Variants in CACHD1 observed in about 807,000 individuals in gnomAD.
CACHD1 encodes VWFA and cache domain-containing protein 1.
A neutral mutation model predicts 138.7 loss-of-function variants in CACHD1; 71 were observed. The observed-to-expected ratio is 0.51, with a 90% CI of 0.42 to 0.62. The LOEUF (loss-of-function observed/expected upper bound fraction) is 0.62. Among genes scored for constraint, CACHD1 ranks in the 20% least tolerant of loss-of-function variants. The probability of loss-of-function intolerance (pLI) is 0.00; values close to 1 mark genes in which losing one functional copy is unlikely to be tolerated. For synonymous variants in CACHD1, 578 were observed against 591.5 expected (o/e 0.98, Z 0.33); for missense variants, 1,389 against 1,625.3 (o/e 0.85, Z 2.50).
chr1:64,684,511 T>C (rs1650300527), intron 26 of CACHD1, among the ~76,000 whole-genome samples: 1 of 152,004 alleles, frequency 6.6e-6, no homozygotes, highest in Non-Finnish European at 1.5e-5. Context: ...AGCTGTACAA[T>C]GTGTCTGTAT....
chr1:64,679,601 A>C lies in CACHD1; in HGVS notation c.3251A>C (p.Glu1084Ala). The C allele has an allele frequency of 6.2e-7, 1 of 1,613,996 alleles. No homozygotes were observed. The highest frequency in any genetic ancestry group is 2.2e-5 in the East Asian group (1 of 44,878). Residue 1084 changes from glutamate (E) to alanine (A), a missense_variant, in exon 24 of 27, where the codon GAG becomes GCG. Physicochemically the swap from Glu to Ala is moderately radical, Grantham distance 107 (BLOSUM62 -1). This residue lies in a region of CACHD1 where 250 missense variants were observed against 292.9 expected (regional missense o/e 0.85). Transcript: ENST00000651257. Reference sequence around the variant, plus strand: ...TCTTGCTCTTTCACTGAAGGTGATGAGGTGATCACATTAAACATGATTAAA... The same window carrying C: ...TCTTGCTCTTTCACTGAAGGTGATGCGGTGATCACATTAAACATGATTAAA... ...YVDDMGAIGD[E>A]VITLNMIKSA... is the part of the protein sequence containing the mutation.
chr1:64,542,239 G>A (rs976614910), intron 1 of CACHD1, among the ~76,000 whole-genome samples: 2 of 152,166 alleles, frequency 1.3e-5, no homozygotes, highest in Non-Finnish European at 2.9e-5. Context: ...AAATAAGGAA[G>A]TTTGTTGACC....
At chr1:64,658,660 G>C in intron 12 of CACHD1, 45 bp from the exon 13 acceptor site, 2 of 1,493,000 alleles carry the variant, frequency 1.3e-6, no homozygotes, top group Non-Finnish European at 1.8e-6. Flanking sequence ...TGTCCCCATG[G>C]AACCCTCATT....
At chr1:64,554,340 T>G (rs1017401602) in intron 2 of CACHD1, among the ~76,000 whole-genome samples, 2 of 152,236 alleles carry the variant, frequency 1.3e-5, no homozygotes, top group African/African-American at 4.8e-5. Context: ...GTTGTATGTG[T>G]GTCTCCACAC....
At chr1:64,505,355 C>A (rs1646363934) in intron 1 of CACHD1, among the ~76,000 whole-genome samples, 1 of 150,082 alleles carries the variant, frequency 6.7e-6, no homozygotes, top group Non-Finnish European at 1.5e-5. Context: ...GCTCGTCTTG[C>A]AACTGTCACT....
At chr1:64,498,539 A>G (rs963303057) in intron 1 of CACHD1, among the ~76,000 whole-genome samples, 3 of 152,192 alleles carry the variant, frequency 2.0e-5, no homozygotes, top group African/African-American at 7.2e-5. Flanking sequence ...GTTTGCTGAA[A>G]TAACTCGTGA....
At chr1:64,562,180 T>G (rs1570368028) in intron 2 of CACHD1, among the ~76,000 whole-genome samples, 1 of 152,236 alleles carries the variant, frequency 6.6e-6, no homozygotes, top group African/African-American at 2.4e-5. Context: ...GCTTTTGGAA[T>G]CTGTAAATTT....
At chr1:64,488,485 G>A (rs542291954) in intron 1 of CACHD1, among the ~76,000 whole-genome samples, 1 of 152,308 alleles carries the variant, frequency 6.6e-6, no homozygotes, top group African/African-American at 2.4e-5. Context: ...GACATTGAAT[G>A]AAGAGGTGGG....
intron 7 of CACHD1, among the ~76,000 whole-genome samples, chr1:64,638,778 A>G (rs1276143406): frequency 6.6e-6 from 1 of 152,102 alleles, no homozygotes; most frequent in Non-Finnish European, 1.5e-5. Context: ...AAGTCCCTGT[A>G]ATTGCTTGCC....
intron 8 of CACHD1, among the ~76,000 whole-genome samples, chr1:64,645,130 G>C (rs1648861242): frequency 2.0e-5 from 3 of 152,034 alleles, no homozygotes; most frequent in African/African-American, 7.2e-5. Context: ...TTGAACTACA[G>C]GAGATAAGAG....
intron 4 of CACHD1, among the ~76,000 whole-genome samples, chr1:64,619,499 TATG>T (rs1299860442): frequency 1.3e-5 from 2 of 152,204 alleles, no homozygotes; most frequent in East Asian, 3.8e-4. Flanking sequence ...CCTTGCATTT[TATG>T]ATATTACTTT....
chr1:64,658,379 T>C (rs771127950), intron 12 of CACHD1, among the ~76,000 whole-genome samples: 1 of 152,236 alleles, frequency 6.6e-6, no homozygotes, highest in Non-Finnish European at 1.5e-5. Context: ...TATTATGTCC[T>C]GTTCTAGCTT....
intron 1 of CACHD1, among the ~76,000 whole-genome samples, chr1:64,545,553 C>G (rs1234457451): frequency 6.6e-6 from 1 of 152,224 alleles, no homozygotes; most frequent in South Asian, 2.1e-4. Flanking sequence ...TTTTCATTCT[C>G]ATCACTGAAT....
chr1:64,530,302 C>G (rs1393870491), intron 1 of CACHD1, among the ~76,000 whole-genome samples: 3 of 152,086 alleles, frequency 2.0e-5, no homozygotes, highest in Non-Finnish European at 4.4e-5. Flanking sequence ...CATCTTCTCC[C>G]TAGAGACTTA....
chr1:64,652,119 T>G (rs1649115048), intron 9 of CACHD1, 42 bp from the exon 10 acceptor site: 1 of 1,538,986 alleles, frequency 6.5e-7, no homozygotes, highest in Non-Finnish European at 8.8e-7. Flanking sequence ...GTCCAATTCC[T>G]TCTCTGCTGG....
rs539258053 is a variant in CACHD1, at chr1:64,586,942, T to C, written c.410+4638T>C. ...TATTGTAGTTCTATGAGGCAAACGC[T>C]TTAAAACCGTTTATGCCTATGGACT... On this transcript the variant is annotated intron_variant, in intron 3 of 26. Coordinates refer to ENST00000651257, the MANE Select transcript of CACHD1 (RefSeq NM_020925.4). 3.3e-5 allele frequency among the ~76,000 whole-genome samples: 5 copies of C among 152,350 alleles called. No individual in the cohort carries two copies. In the East Asian group the frequency reaches 9.6e-4, roughly 29 times the overall value.
chr1:64,531,524 TG>T (rs1217225525), intron 1 of CACHD1, among the ~76,000 whole-genome samples: 1,808 of 152,044 alleles, frequency 0.012, 42 homozygotes, highest in African/African-American at 0.038. Context: ...TGTGTGTGTG[TG>T]TGTGTCTGTG....
chr1:64,566,727 A>T (rs1262702411), intron 2 of CACHD1, among the ~76,000 whole-genome samples: 2 of 151,804 alleles, frequency 1.3e-5, no homozygotes, highest in Non-Finnish European at 1.5e-5. Context: ...GAAGATTTAC[A>T]AACAATTATA....
intron 23 of CACHD1, 86 bp from the exon 24 acceptor site, chr1:64,679,509 T>A (rs1035427159): frequency 6.8e-7 from 1 of 1,465,214 alleles, no homozygotes; most frequent in Non-Finnish European, 9.4e-7. Flanking sequence ...CCCTTCCCAC[T>A]GTATTCCCTC....
Sources: gnomAD v4.1 joint callset for allele counts (sites outside exome capture counted in the v4.1 genomes callset) on GRCh38, gnomAD v4.1.1 for gene constraint, gnomAD v4.1.1 regional missense constraint, MANE v1.5 for transcripts, NCBI Gene and HGNC (gene_info 2026-07-23, HGNC 2026-07-21) for gene names.